The following OCIAD1 variants were observed in gnomAD, a reference collection of about 807,000 sequenced individuals.
OCIAD1 encodes the protein OCIA domain containing 1, also known as OCIA domain-containing protein 1.
A neutral mutation model predicts 38.9 loss-of-function variants in OCIAD1; 29 were observed. The ratio of observed to expected loss-of-function variants is 0.74; its 90% CI spans 0.55 to 1.02. The LOEUF is 1.02. OCIAD1 is among the 50% of genes least tolerant of loss of function. The pLI is 0.00. For synonymous variants in OCIAD1, 110 were observed against 92.0 expected (o/e 1.20, Z -1.12); for missense variants, 288 against 289.6 (o/e 0.99, Z 0.04).
Position 48,834,229 on chromosome 4 carries a change from T to C in OCIAD1, c.139+748T>C, listed in dbSNP as rs558681614. On this transcript the variant is annotated intron_variant, in intron 3 of 8. Transcript: ENST00000264312. ...TCTTGTTGCCCAGGCTGGAGTACAA[T>C]GGTGTGATCTCAGCTCACTGCAACT... 5.9e-5 allele frequency among the ~76,000 whole-genome samples: 9 copies of C among 152,294 alleles called. No homozygotes were observed. In the South Asian group the frequency reaches 1.7e-3, roughly 28 times the overall value.
At chr4:48,857,439 A>G in intron 8 of OCIAD1, 74 bp downstream of exon 8, 1 of 882,190 alleles carries the variant, frequency 1.1e-6, no homozygotes, top group Non-Finnish European at 1.6e-6. Context: ...ACAATACTAT[A>G]AAAAATTAAT....
At chr4:48,810,919 G>T (rs568719528) in intron 1 of OCIAD1, among the ~76,000 whole-genome samples, 1 of 133,528 alleles carries the variant, frequency 7.5e-6, no homozygotes, top group East Asian at 2.1e-4. Flanking sequence ...TTTTTGAGAC[G>T]GAGTCTCACT....
chr4:48,823,832 T>TG (rs1365002499), intron 1 of OCIAD1, among the ~76,000 whole-genome samples: 2 of 139,040 alleles, frequency 1.4e-5, no homozygotes, highest in Admixed American at 1.5e-4. Flanking sequence ...GGCTTTTTTT[T>TG]TTTTTTTTTT....
intron 7 of OCIAD1, among the ~76,000 whole-genome samples, chr4:48,855,821 A>G (rs1286253898): frequency 6.6e-6 from 1 of 152,136 alleles, no homozygotes; most frequent in Non-Finnish European, 1.5e-5. Flanking sequence ...GTCTCAAAAA[A>G]AAAAAAAAAA....
At position 48,831,394 on chromosome 4, in the gene OCIAD1, T is replaced by C. The variant is rs951154938; in HGVS notation, c.-6+145T>C. On this transcript the variant is annotated intron_variant, in intron 1 of 8. Transcript: ENST00000264312. ...CGCGCTCGGGTCTCGGCCTCCTGAG[T>C]GCCGGTGACTGCGGGAGGCGACGGA... 8.3e-6 allele frequency: 7 copies of C among 839,990 alleles called. No individual in the cohort carries two copies. The African/African-American group carries it at 1.2e-4, about 15-fold the overall frequency. The allele number at this position is 839,990 out of a possible 1,614,324, so 52.0% of individuals were successfully genotyped here.
intron 1 of OCIAD1, among the ~76,000 whole-genome samples, chr4:48,820,688 T>C (rs1342047785): frequency 3.9e-5 from 6 of 152,120 alleles, no homozygotes; most frequent in East Asian, 3.9e-4. Flanking sequence ...AAGAATCAAA[T>C]AGACACAATA....
intron 7 of OCIAD1, among the ~76,000 whole-genome samples, chr4:48,853,739 G>A (rs1344657727): frequency 1.3e-5 from 2 of 152,266 alleles, no homozygotes; most frequent in South Asian, 2.1e-4. Context: ...AGTCACATGT[G>A]CTAGTGGCTA....
intron 4 of OCIAD1, among the ~76,000 whole-genome samples, chr4:48,847,690 G>T (rs779284577): frequency 6.6e-6 from 1 of 152,190 alleles, no homozygotes; most frequent in African/African-American, 2.4e-5. Context: ...CAAGTGTGCA[G>T]GTGTGGATCT....
intron 3 of OCIAD1, among the ~76,000 whole-genome samples, chr4:48,842,328 T>G (rs1436863911): frequency 6.6e-6 from 1 of 152,248 alleles, no homozygotes; most frequent in Admixed American, 6.5e-5. Context: ...GAAGTAATTT[T>G]GAGTCACTTT....
Position 48,860,825 on chromosome 4 carries a change from A to G in OCIAD1, c.*63A>G, listed in dbSNP as rs1780544455. 2.5e-6 allele frequency: 3 copies of G among 1,176,522 alleles called. No individual in the cohort carries two copies. Among genetic ancestry groups the G allele is most frequent in the Non-Finnish European group, 3.8e-6 (3 of 786,850 alleles). The allele number at this position is 1,176,522 out of a possible 1,614,324, so 72.9% of individuals were successfully genotyped here. A position where few individuals can be genotyped will look rare whatever the true frequency, so the allele number is the denominator to read the frequency against. ...CAGCTTCATCTAGGTGGTCATGATT[A>G]CCTGCATGCTTTGAGCTCAGCAGCA... On this transcript the variant is annotated 3_prime_UTR_variant, in exon 9 of 9. Transcript: ENST00000264312.
chr4:48,842,657 G>A lies in OCIAD1; in HGVS notation c.161G>A (p.Ser54Asn), dbSNP rs780530441. The A allele has an allele frequency of 1.9e-6, 3 of 1,575,874 alleles. No individual in the cohort carries two copies. The highest frequency in any genetic ancestry group is 2.6e-6 in the Non-Finnish European group (3 of 1,161,782). ...ATAGCTGTGCCTTTGGCTGCAACAA[G>A]TATGTTGATTACTCAAGGATTAATT... ...WFRSVPLAAT[S>N]MLITQGLISK... Residue 54 changes from serine (S) to asparagine (N), a missense_variant, in exon 4 of 9, where the codon AGT (serine) becomes AAT (asparagine). Transcript: ENST00000264312.
intron 4 of OCIAD1, 61 bp from the exon 5 acceptor site, chr4:48,848,338 C>T: frequency 1.3e-6 from 1 of 782,160 alleles, no homozygotes; most frequent in Non-Finnish European, 2.2e-6. Context: ...TTAAAGATAG[C>T]CTTTACTGAT....
intron 3 of OCIAD1, among the ~76,000 whole-genome samples, chr4:48,833,829 C>T (rs1777744691): frequency 6.6e-6 from 1 of 152,120 alleles, no homozygotes; most frequent in Non-Finnish European, 1.5e-5. Flanking sequence ...TGTTAAATGG[C>T]AACACTTAGT....
At chr4:48,812,331 A>G (rs1182297179) in intron 1 of OCIAD1, among the ~76,000 whole-genome samples, 1 of 150,064 alleles carries the variant, frequency 6.7e-6, no homozygotes, top group East Asian at 1.9e-4. Context: ...AGAAAAAGAA[A>G]ACTAAATTTG....
intron 1 of OCIAD1, among the ~76,000 whole-genome samples, chr4:48,809,740 C>T (rs1364104508): frequency 6.6e-6 from 1 of 152,026 alleles, no homozygotes; most frequent in East Asian, 1.9e-4. Context: ...GCACTTTCTG[C>T]CCTAAGCACC....
At chr4:48,820,809 A>G (rs552571757) in intron 1 of OCIAD1, among the ~76,000 whole-genome samples, 2 of 152,376 alleles carry the variant, frequency 1.3e-5, no homozygotes, top group African/African-American at 4.8e-5. Flanking sequence ...GAAGAAATGG[A>G]TAAATTCCTG....
chr4:48,853,813 T>A (rs561486035), intron 7 of OCIAD1, among the ~76,000 whole-genome samples: 2 of 152,312 alleles, frequency 1.3e-5, no homozygotes, highest in East Asian at 3.9e-4. Context: ...CAGCACTACT[T>A]AAGAGCAAAA....
At chr4:48,820,093 T>C (rs1357218415) in intron 1 of OCIAD1, among the ~76,000 whole-genome samples, 1 of 152,108 alleles carries the variant, frequency 6.6e-6, no homozygotes, top group East Asian at 1.9e-4. Context: ...ATCAACGGAG[T>C]ATACATTCTT....
At chr4:48,853,108 T>C (rs534088545) in intron 7 of OCIAD1, among the ~76,000 whole-genome samples, 98 of 152,116 alleles carry the variant, frequency 6.4e-4, no homozygotes, top group African/African-American at 2.2e-3. Flanking sequence ...CTTGATCTCC[T>C]GACCTCGTGA....
Sources: gnomAD v4.1 joint callset for allele counts (sites outside exome capture counted in the v4.1 genomes callset) on GRCh38, gnomAD v4.1.1 for gene constraint, MANE v1.5 for transcripts, NCBI Gene and HGNC (gene_info 2026-07-23, HGNC 2026-07-21) for gene names.